Variants in ARID2 observed in about 807,000 individuals in gnomAD.
ARID2 encodes AT-rich interaction domain 2.
Under a neutral mutation model 184.6 loss-of-function variants are expected in ARID2, and 32 were observed. The observed-to-expected ratio is 0.17, with a 90% CI of 0.13 to 0.23. The LOEUF (loss-of-function observed/expected upper bound fraction) is 0.23. Among genes scored for constraint, ARID2 ranks in the 10% least tolerant of loss-of-function variants. The pLI is 1.00. For synonymous variants in ARID2, 836 were observed against 772.6 expected (o/e 1.08, Z -1.36); for missense variants, 1,696 against 2,197.6 (o/e 0.77, Z 4.56).
chr12:45,885,832 TA>T (rs1944177416), intron 16 of ARID2, among the ~76,000 whole-genome samples: 1 of 152,168 alleles, frequency 6.6e-6, no homozygotes, highest in African/African-American at 2.4e-5. Context: ...AAGAACAGCA[TA>T]GGGGTAACCC....
At chr12:45,840,617 A>G (rs1258327542) in intron 11 of ARID2, 4 of 152,168 alleles carry the variant, frequency 2.6e-5, no homozygotes, top group Non-Finnish European at 4.4e-5. Flanking sequence ...ATCTTTAGCC[A>G]TCACATCCAT....
chr12:45,793,538 T>C (rs1273697694), intron 3 of ARID2, among the ~76,000 whole-genome samples: 1 of 151,666 alleles, frequency 6.6e-6, no homozygotes, highest in Non-Finnish European at 1.5e-5. Flanking sequence ...ACTGCCTTTA[T>C]GTAACTGTGT....
chr12:45,795,716 G>A (rs1163160076), intron 3 of ARID2, among the ~76,000 whole-genome samples: 4 of 152,262 alleles, frequency 2.6e-5, no homozygotes, highest in Admixed American at 6.5e-5. Context: ...GATTATAGGC[G>A]TGAGCCCCCG....
intron 16 of ARID2, among the ~76,000 whole-genome samples, chr12:45,880,447 T>G (rs371832620): frequency 6.6e-6 from 1 of 152,222 alleles, no homozygotes; most frequent in South Asian, 2.1e-4. Flanking sequence ...CTGAACCTTA[T>G]ACAGTTACAA....
intron 3 of ARID2, among the ~76,000 whole-genome samples, chr12:45,775,254 T>C (rs1941954239): frequency 6.6e-6 from 1 of 152,202 alleles, no homozygotes; most frequent in African/African-American, 2.4e-5. Context: ...TCCAGAAAGT[T>C]TGCAGTGTTT....
chr12:45,875,892 C>G (rs989032331), intron 16 of ARID2, among the ~76,000 whole-genome samples: 1 of 152,222 alleles, frequency 6.6e-6, no homozygotes, highest in Non-Finnish European at 1.5e-5. Flanking sequence ...TCTATCCAGA[C>G]CTCTACAACT....
chr12:45,890,670 C>T lies in ARID2; in HGVS notation c.4923-1110C>T, dbSNP rs184192620. On this transcript the variant is annotated intron_variant, in intron 16 of 20. Transcript: ENST00000334344. ...ATGGAAATTAAATATATAACTTACT[C>T]TTTCTGACATTGTGTTATATAATTC... Among the ~76,000 whole-genome samples, 326 of 152,176 alleles carry T rather than the reference C, an allele frequency of 2.1e-3. 1 individual carries two copies. Among genetic ancestry groups the T allele is most frequent in the Middle Eastern group, 0.014 (4 of 292 alleles).
intron 3 of ARID2, among the ~76,000 whole-genome samples, chr12:45,792,325 C>CT (rs1188620151): frequency 6.6e-6 from 1 of 152,144 alleles, no homozygotes; most frequent in African/African-American, 2.4e-5. Flanking sequence ...AAATACACTT[C>CT]TTAATTTCCA....
At chr12:45,789,849 G>T (rs1387356438) in intron 3 of ARID2, among the ~76,000 whole-genome samples, 21 of 152,130 alleles carry the variant, frequency 1.4e-4, no homozygotes, top group Non-Finnish European at 2.9e-5. Context: ...GGGTGTAGTG[G>T]CTTATGTCTG....
At chr12:45,753,674 C>T (rs1941511186) in intron 3 of ARID2, among the ~76,000 whole-genome samples, 1 of 152,072 alleles carries the variant, frequency 6.6e-6, no homozygotes, top group African/African-American at 2.4e-5. Flanking sequence ...GCGATTGCGT[C>T]TCACTGCAAC....
chr12:45,790,556 A>C (rs928092391), intron 3 of ARID2, among the ~76,000 whole-genome samples: 4 of 152,076 alleles, frequency 2.6e-5, no homozygotes, highest in Non-Finnish European at 5.9e-5. Context: ...TAGATACTTA[A>C]TTGTATGTTC....
chr12:45,796,250 T>C (rs1248711612), intron 3 of ARID2, among the ~76,000 whole-genome samples: 1 of 152,092 alleles, frequency 6.6e-6, no homozygotes. Context: ...TGTATGATTT[T>C]TTTCTAATTT....
At chr12:45,882,047 T>G (rs1414183515) in intron 16 of ARID2, 1 of 166,516 alleles carries the variant, frequency 6.0e-6, no homozygotes, top group Non-Finnish European at 1.3e-5. Context: ...TAGGTGCTCC[T>G]TAGGGTGCTA....
chr12:45,861,368 G>T (rs1214822062), intron 16 of ARID2, among the ~76,000 whole-genome samples: 1 of 152,094 alleles, frequency 6.6e-6, no homozygotes, highest in Non-Finnish European at 1.5e-5. Context: ...TTGAATTTGA[G>T]TTTGGGATGG....
chr12:45,820,681 C>A (rs1283324350), intron 5 of ARID2, among the ~76,000 whole-genome samples: 2 of 152,106 alleles, frequency 1.3e-5, no homozygotes, highest in Non-Finnish European at 2.9e-5. Flanking sequence ...ACAGCTTAGA[C>A]ATTTGAATCA....
In ARID2 at chr12:45,850,448, A is replaced by T. The variant is rs756580589; in HGVS notation, c.2325A>T (p.Leu775Phe). ...CTGTAATTCCACAGCAGTCTCCATTACACACAGTGGTACCAGGACAGATCC... is the reference window on the plus strand; with the variant it reads ...CTGTAATTCCACAGCAGTCTCCATTTCACACAGTGGTACCAGGACAGATCC... ...HPSVIPQQSP[L>F]HTVVPGQIPS... is the part of the protein sequence containing the mutation. The change falls in exon 15 of 21, where the codon TTA becomes TTT. Residue 775 changes from leucine (L) to phenylalanine (F), a missense_variant. Transcript: ENST00000334344. The T allele has an allele frequency of 1.2e-6, 2 of 1,614,052 alleles. No individual in the cohort carries two copies. The highest frequency in any genetic ancestry group is 2.2e-5 in the South Asian group (2 of 91,086).
chr12:45,838,689 C>T (rs1465895560), intron 10 of ARID2, among the ~76,000 whole-genome samples: 2 of 151,830 alleles, frequency 1.3e-5, no homozygotes, highest in African/African-American at 2.4e-5. Flanking sequence ...ATCACTTGAG[C>T]CTGGGAGGTT....
At chr12:45,895,824 C>A (rs900180820) in intron 20 of ARID2, among the ~76,000 whole-genome samples, 2 of 152,110 alleles carry the variant, frequency 1.3e-5, no homozygotes, top group Non-Finnish European at 1.5e-5. Flanking sequence ...TGAGCCACCG[C>A]ACCTGGCCAG....
chr12:45,745,083 T>C (rs574352223), intron 3 of ARID2, among the ~76,000 whole-genome samples: 15 of 152,318 alleles, frequency 9.8e-5, no homozygotes, highest in African/African-American at 3.4e-4. Context: ...ACCAGTCTTA[T>C]AGGAATTTAC....
Sources: gnomAD v4.1 joint callset for allele counts (sites outside exome capture counted in the v4.1 genomes callset) on GRCh38, gnomAD v4.1.1 for gene constraint, MANE v1.5 for transcripts, NCBI Gene and HGNC (gene_info 2026-07-23, HGNC 2026-07-21) for gene names.